Variants in TMEM74 observed in about 807,000 individuals in gnomAD.
TMEM74 encodes transmembrane protein 74.
A neutral mutation model predicts 18.1 loss-of-function variants in TMEM74; 13 were observed. That is an observed-to-expected ratio of 0.72 (90% CI 0.47 to 1.14). TMEM74 has a LOEUF of 1.14. Among genes scored for constraint, TMEM74 ranks in the 50% most tolerant of loss-of-function variants. TMEM74 has a pLI of 0.00. For synonymous variants in TMEM74, 159 were observed against 146.6 expected (o/e 1.08, Z -0.61); for missense variants, 372 against 375.9 (o/e 0.99, Z 0.09).
chr8:108,745,873 A>C (rs1563540838), intron 1 of TMEM74, among the ~76,000 whole-genome samples: 1 of 152,162 alleles, frequency 6.6e-6, no homozygotes, highest in Non-Finnish European at 1.5e-5. Context: ...ATTAAAATGC[A>C]CTGTGAAAAT....
At chr8:108,732,488 G>A (rs937511177) in intron 1 of TMEM74, among the ~76,000 whole-genome samples, 1 of 152,120 alleles carries the variant, frequency 6.6e-6, no homozygotes, top group African/African-American at 2.4e-5. Flanking sequence ...TTGATTTCAA[G>A]ATGTGTTACA....
chr8:108,678,215 G>A (rs1391062140), intron 1 of TMEM74, among the ~76,000 whole-genome samples: 1 of 152,032 alleles, frequency 6.6e-6, no homozygotes, highest in Admixed American at 6.6e-5. Context: ...TAGGATATTA[G>A]GTGAAAAGTG....
intron 1 of TMEM74, among the ~76,000 whole-genome samples, chr8:108,711,471 T>A (rs192199788): frequency 1.0e-3 from 154 of 152,358 alleles, no homozygotes; most frequent in Middle Eastern, 6.8e-3. Flanking sequence ...ATCTAACCTC[T>A]ACAACCTTTT....
intron 1 of TMEM74, among the ~76,000 whole-genome samples, chr8:108,671,810 T>C (rs1483817864): frequency 1.3e-5 from 2 of 152,140 alleles, no homozygotes; most frequent in African/African-American, 4.8e-5. Flanking sequence ...GTTAAGAATT[T>C]GATAAATTAC....
intron 1 of TMEM74, among the ~76,000 whole-genome samples, chr8:108,771,454 T>A (rs1586292490): frequency 6.6e-6 from 1 of 152,092 alleles, no homozygotes; most frequent in South Asian, 2.1e-4. Flanking sequence ...TACAAAAAAA[T>A]TATCAATAAT....
chr8:108,722,848 C>T (rs1372031688), intron 1 of TMEM74, among the ~76,000 whole-genome samples: 1 of 152,094 alleles, frequency 6.6e-6, no homozygotes. Flanking sequence ...GCTAAGAGCA[C>T]ATTGATGTAG....
At chr8:108,734,175 A>G (rs750467299) in intron 1 of TMEM74, among the ~76,000 whole-genome samples, 5 of 152,164 alleles carry the variant, frequency 3.3e-5, no homozygotes, top group Non-Finnish European at 7.3e-5. Context: ...GGCAGAGGAA[A>G]GATGAATTCA....
At chr8:108,765,904 A>G (rs1025730301) in intron 1 of TMEM74, among the ~76,000 whole-genome samples, 2 of 142,406 alleles carry the variant, frequency 1.4e-5, no homozygotes, top group Admixed American at 7.0e-5. Context: ...TTATTGGGGG[A>G]GGCTTTCTCT....
chr8:108,636,847 A>G (rs1812611598), intron 2 of TMEM74, among the ~76,000 whole-genome samples: 2 of 147,398 alleles, frequency 1.4e-5, no homozygotes, highest in Admixed American at 6.6e-5. Flanking sequence ...TTTACTGGCC[A>G]TAACACCAGG....
intron 1 of TMEM74, among the ~76,000 whole-genome samples, chr8:108,700,246 G>A (rs1813322578): frequency 6.6e-6 from 1 of 151,716 alleles, no homozygotes; most frequent in Non-Finnish European, 1.5e-5. Flanking sequence ...AAACTCAGTG[G>A]GGGGATGTTA....
At chr8:108,680,438 C>T (rs1175111628) in intron 1 of TMEM74, among the ~76,000 whole-genome samples, 2 of 152,162 alleles carry the variant, frequency 1.3e-5, no homozygotes, top group African/African-American at 4.8e-5. Flanking sequence ...TCAATAGATG[C>T]AGAAAAGGCC....
At chr8:108,618,137 CT>C (rs1812404197) in intron 2 of TMEM74, among the ~76,000 whole-genome samples, 1 of 152,124 alleles carries the variant, frequency 6.6e-6, no homozygotes, top group African/African-American at 2.4e-5. Context: ...AACTTAAAGC[CT>C]TTTATGCCTA....
chr8:108,733,962 T>C (rs1198291493), intron 1 of TMEM74, among the ~76,000 whole-genome samples: 2 of 152,228 alleles, frequency 1.3e-5, no homozygotes, highest in Admixed American at 6.5e-5. Context: ...ATCCCTTCAC[T>C]CTTCTCGTGA....
At chr8:108,625,770 T>C (rs1409658659) in intron 2 of TMEM74, among the ~76,000 whole-genome samples, 1 of 152,024 alleles carries the variant, frequency 6.6e-6, no homozygotes, top group Non-Finnish European at 1.5e-5. Flanking sequence ...CTACCCAATA[T>C]TAACCTGCAA....
chr8:108,621,435 C>T (rs1812439191), intron 2 of TMEM74, among the ~76,000 whole-genome samples: 1 of 152,154 alleles, frequency 6.6e-6, no homozygotes, highest in South Asian at 2.1e-4. Context: ...GTCCCCCTCC[C>T]TGAAAACGCC....
At chr8:108,719,900 G>C (rs1005307517) in intron 1 of TMEM74, among the ~76,000 whole-genome samples, 1 of 151,998 alleles carries the variant, frequency 6.6e-6, no homozygotes, top group African/African-American at 2.4e-5. Context: ...GTTTCGATTT[G>C]TTGGAAGGTA....
intron 2 of TMEM74, among the ~76,000 whole-genome samples, chr8:108,614,377 T>A (rs1313705445): frequency 6.6e-6 from 1 of 152,178 alleles, no homozygotes; most frequent in Non-Finnish European, 1.5e-5. Context: ...TGATATTTTT[T>A]AGCTTAATTT....
At chr8:108,692,758 G>A (rs996084885) in intron 1 of TMEM74, among the ~76,000 whole-genome samples, 2 of 152,070 alleles carry the variant, frequency 1.3e-5, no homozygotes, top group African/African-American at 4.8e-5. Context: ...ATCTTTTCCA[G>A]CATCTTCTGT....
At chr8:108,690,062 C>T (rs1813209663) in intron 1 of TMEM74, among the ~76,000 whole-genome samples, 1 of 151,980 alleles carries the variant, frequency 6.6e-6, no homozygotes, top group Admixed American at 6.5e-5. Context: ...TACATACGTA[C>T]ATGTATATAC....
Sources: allele counts gnomAD v4.1 joint callset (sites outside exome capture counted in the v4.1 genomes callset), GRCh38; gene constraint gnomAD v4.1.1; transcripts MANE v1.5; gene names NCBI Gene and HGNC (gene_info 2026-07-23, HGNC 2026-07-21).